KCNH7: variants seen among roughly 807,000 people sequenced by gnomAD.
KCNH7 encodes potassium voltage-gated channel subfamily H member 7.
In KCNH7, 49 loss-of-function variants were observed where a neutral mutation model predicts 120.8. The observed-to-expected ratio is 0.41, with a 90% confidence interval of 0.32 to 0.51. KCNH7 has a LOEUF of 0.51. Among genes scored for constraint, KCNH7 ranks in the 20% least tolerant of loss-of-function variants. KCNH7 has a pLI of 0.38. For missense variants in KCNH7, 1,097 were observed against 1,446.6 expected (o/e 0.76, Z 3.92); for synonymous variants, 547 against 516.1 (o/e 1.06, Z -0.81).
chr2:162,833,157 T>C (rs1409539008), intron 2 of KCNH7, among the ~76,000 whole-genome samples: 1 of 152,176 alleles, frequency 6.6e-6, no homozygotes, highest in Non-Finnish European at 1.5e-5. Context: ...AGTTGCTTGA[T>C]AATTTAAGGT....
intron 2 of KCNH7, among the ~76,000 whole-genome samples, chr2:162,689,093 T>C (rs1431936847): frequency 6.6e-6 from 1 of 152,042 alleles, no homozygotes; most frequent in Non-Finnish European, 1.5e-5. Flanking sequence ...TATACTCCCA[T>C]GATACTAAAG....
intron 2 of KCNH7, among the ~76,000 whole-genome samples, chr2:162,650,921 C>T (rs889872728): frequency 1.3e-5 from 2 of 152,188 alleles, no homozygotes; most frequent in Admixed American, 6.6e-5. Context: ...TAAAGCCACA[C>T]TCTACCCTCC....
At chr2:162,661,389 G>A (rs1359893066) in intron 2 of KCNH7, among the ~76,000 whole-genome samples, 2 of 152,092 alleles carry the variant, frequency 1.3e-5, no homozygotes, top group South Asian at 2.1e-4. Flanking sequence ...TAAAACAGAT[G>A]TTAAACAGAA....
At position 162,836,753 on chromosome 2, in the gene KCNH7, T is replaced by C; in HGVS notation, c.91A>G (p.Ile31Val). ...CAGTTCTGCACTCTGGCATTTGCAATGATAAATTTTTTATCTGTAATAAGA... is the reference window on the plus strand; with the variant it reads ...CAGTTCTGCACTCTGGCATTTGCAACGATAAATTTTTTATCTGTAATAAGA... ...KFEGQNKKFI[I>V]ANARVQNCAI... is the part of the protein sequence containing the mutation. The change falls in exon 2 of 16, where the codon ATT (isoleucine) becomes GTT (valine). Residue 31 changes from isoleucine (I) to valine (V), a missense_variant. Ile to Val is a conservative substitution (Grantham distance 29, BLOSUM62 3). This residue lies in a region of KCNH7 where 57 missense variants were observed against 116.2 expected (regional missense o/e 0.49). Transcript: ENST00000332142. 1 of 1,613,274 alleles carries C rather than the reference T, an allele frequency of 6.2e-7. No homozygotes were observed. Among genetic ancestry groups the C allele is most frequent in the Non-Finnish European group, 8.5e-7 (1 of 1,179,276 alleles).
chr2:162,520,733 C>T (rs1477852395), intron 3 of KCNH7, among the ~76,000 whole-genome samples: 1 of 151,840 alleles, frequency 6.6e-6, no homozygotes, highest in African/African-American at 2.4e-5. Context: ...TGAGCCACTG[C>T]ACTCCAGCCT....
At position 162,544,800 on chromosome 2, in the gene KCNH7, G is replaced by A. The variant is rs189148519; in HGVS notation, c.308-7720C>T. 3.9e-5 allele frequency among the ~76,000 whole-genome samples: 6 copies of A among 152,140 alleles called. No homozygotes were observed. In the East Asian group the frequency reaches 1.2e-3, roughly 30 times the overall value. ...CATCTATTTGTCCAGCCTGTCTCCA[G>A]CCCCACATTTCATTTTAATCTATTC... On this transcript the variant is annotated intron_variant, in intron 2 of 15. Transcript: ENST00000332142.
intron 12 of KCNH7, among the ~76,000 whole-genome samples, chr2:162,391,815 T>C (rs1252413609): frequency 6.6e-6 from 1 of 152,048 alleles, no homozygotes; most frequent in Non-Finnish European, 1.5e-5. Context: ...TAACCTGTTG[T>C]TCATTTCCAG....
chr2:162,433,074 G>A (rs1268397830), intron 8 of KCNH7, among the ~76,000 whole-genome samples: 1 of 151,984 alleles, frequency 6.6e-6, no homozygotes, highest in South Asian at 2.1e-4. Context: ...TCTAACCAAG[G>A]AGGTGAAAGG....
rs568301991 is a variant in KCNH7, at chr2:162,568,791, T to C, written c.308-31711A>G. ...TTAAGCTTTATATAGTAACTTCATATTTTTTCTCAGATATTGCATGTATAA... is the reference window on the plus strand; with the variant it reads ...TTAAGCTTTATATAGTAACTTCATACTTTTTCTCAGATATTGCATGTATAA... On this transcript the variant is annotated intron_variant, in intron 2 of 15. Coordinates refer to ENST00000332142, the MANE Select transcript of KCNH7 (RefSeq NM_033272.4). Among the ~76,000 whole-genome samples the C allele has an allele frequency of 6.6e-5, 10 of 152,152 alleles. No homozygotes were observed. In the South Asian group the frequency reaches 2.1e-3, roughly 31 times the overall value.
chr2:162,698,635 T>A (rs1365467019), intron 2 of KCNH7, among the ~76,000 whole-genome samples: 2 of 152,114 alleles, frequency 1.3e-5, no homozygotes, highest in Non-Finnish European at 2.9e-5. Flanking sequence ...CAAACAGACC[T>A]GTAATTCATT....
intron 6 of KCNH7, among the ~76,000 whole-genome samples, chr2:162,467,099 C>T (rs1689334124): frequency 6.6e-6 from 1 of 152,118 alleles, no homozygotes; most frequent in Admixed American, 6.5e-5. Context: ...AAAAGAAAAA[C>T]CATACAGCCT....
At chr2:162,560,478 A>G (rs1323395395) in intron 2 of KCNH7, among the ~76,000 whole-genome samples, 1 of 152,220 alleles carries the variant, frequency 6.6e-6, no homozygotes, top group Non-Finnish European at 1.5e-5. Flanking sequence ...GCTGGACATC[A>G]GAGCAAGTAG....
intron 12 of KCNH7, among the ~76,000 whole-genome samples, chr2:162,388,807 A>C (rs965619578): frequency 1.3e-5 from 2 of 152,028 alleles, no homozygotes; most frequent in Non-Finnish European, 2.9e-5. Flanking sequence ...CTAAACCAGT[A>C]TTACAAAGTG....
At chr2:162,622,039 T>A (rs554946763) in intron 2 of KCNH7, among the ~76,000 whole-genome samples, 1 of 152,368 alleles carries the variant, frequency 6.6e-6, no homozygotes, top group South Asian at 2.1e-4. Context: ...GCTATTCTAT[T>A]TCTGCAAAAT....
chr2:162,374,788 T>C (rs1399777852), intron 14 of KCNH7, among the ~76,000 whole-genome samples: 1 of 152,146 alleles, frequency 6.6e-6, no homozygotes, highest in Non-Finnish European at 1.5e-5. Context: ...ATTCTTGCAG[T>C]TTTTCTATAG....
intron 2 of KCNH7, among the ~76,000 whole-genome samples, chr2:162,542,704 T>C (rs1692351880): frequency 6.6e-6 from 1 of 152,040 alleles, no homozygotes; most frequent in South Asian, 2.1e-4. Context: ...AGTGCCGCAA[T>C]AAACATACGT....
At chr2:162,614,677 G>T (rs886533492) in intron 2 of KCNH7, among the ~76,000 whole-genome samples, 1 of 148,334 alleles carries the variant, frequency 6.7e-6, no homozygotes, top group Non-Finnish European at 1.5e-5. Flanking sequence ...CCTGAGGAAT[G>T]TATATATATT....
At chr2:162,509,794 A>C (rs1691005115) in intron 5 of KCNH7, among the ~76,000 whole-genome samples, 1 of 151,600 alleles carries the variant, frequency 6.6e-6, no homozygotes, top group East Asian at 1.9e-4. Flanking sequence ...GAGAGGAGAT[A>C]AAAGCTGTAA....
chr2:162,765,581 AG>A (rs1284399123), intron 2 of KCNH7, among the ~76,000 whole-genome samples: 1 of 152,178 alleles, frequency 6.6e-6, no homozygotes, highest in Non-Finnish European at 1.5e-5. Flanking sequence ...TGTTTGTAAA[AG>A]ATAACAAAAA....
Sources: allele counts gnomAD v4.1 joint callset (sites outside exome capture counted in the v4.1 genomes callset), GRCh38; gene constraint gnomAD v4.1.1; regional missense constraint gnomAD v4.1.1; transcripts MANE v1.5; gene names NCBI Gene and HGNC (gene_info 2026-07-23, HGNC 2026-07-21).